The following PCCA variants were observed in gnomAD, a reference collection of about 807,000 sequenced individuals.
PCCA encodes propionyl-CoA carboxylase subunit alpha.
In PCCA, 74 loss-of-function variants were observed where a neutral mutation model predicts 101.3. That is an observed-to-expected ratio of 0.73 (90% confidence interval 0.61 to 0.89). The LOEUF is 0.89. Ranked by LOEUF, PCCA falls within the 40% of genes least tolerant of loss-of-function variation. The probability of loss-of-function intolerance (pLI) is 0.00; values close to 1 mark genes in which losing one functional copy is unlikely to be tolerated. For missense variants in PCCA, 891 were observed against 907.0 expected (o/e 0.98, Z 0.23); for synonymous variants, 294 against 313.6 (o/e 0.94, Z 0.66).
At chr13:100,291,254 G>A (rs564479956) in intron 12 of PCCA, among the ~76,000 whole-genome samples, 6 of 152,104 alleles carry the variant, frequency 3.9e-5, no homozygotes, top group Non-Finnish European at 8.8e-5. Context: ...CTGAAGCTGG[G>A]ATGACAGAGC....
chr13:100,221,400 C>T (rs1594790021), intron 7 of PCCA, among the ~76,000 whole-genome samples: 2 of 152,212 alleles, frequency 1.3e-5, no homozygotes, highest in East Asian at 1.9e-4. Context: ...TTTTAGTGGG[C>T]TTCGAACATG....
chr13:100,140,800 T>C (rs369367993), intron 4 of PCCA, among the ~76,000 whole-genome samples: 1 of 152,178 alleles, frequency 6.6e-6, no homozygotes, highest in Non-Finnish European at 1.5e-5. Context: ...GGGGTGTTTC[T>C]TGAAAGCTAC....
chr13:100,443,184 G>A (rs1347675023), intron 20 of PCCA, among the ~76,000 whole-genome samples: 2 of 152,046 alleles, frequency 1.3e-5, no homozygotes, highest in African/African-American at 4.8e-5. Flanking sequence ...GTTTCTATGG[G>A]GCTCACAACT....
At chr13:100,258,324 G>A (rs1190318843) in intron 9 of PCCA, among the ~76,000 whole-genome samples, 2 of 152,172 alleles carry the variant, frequency 1.3e-5, no homozygotes, top group Non-Finnish European at 2.9e-5. Context: ...TCATGAGAGC[G>A]TGGGCAAGAT....
At chr13:100,242,404 G>A (rs1270563839) in intron 8 of PCCA, among the ~76,000 whole-genome samples, 3 of 152,054 alleles carry the variant, frequency 2.0e-5, no homozygotes, top group African/African-American at 7.2e-5. Context: ...AAACATTGAC[G>A]GAATTGAAGG....
chr13:100,094,302 A>G (rs1020636634), intron 1 of PCCA, among the ~76,000 whole-genome samples: 1 of 151,620 alleles, frequency 6.6e-6, no homozygotes, highest in African/African-American at 2.4e-5. Flanking sequence ...GAATAATTTT[A>G]GTAGCATGGT....
At chr13:100,292,669 A>G (rs913915518) in intron 12 of PCCA, among the ~76,000 whole-genome samples, 1 of 152,248 alleles carries the variant, frequency 6.6e-6, no homozygotes, top group African/African-American at 2.4e-5. Flanking sequence ...ATGGCAAGCC[A>G]CATATTAAAT....
At chr13:100,489,327 CG>C (rs1193765477) in intron 21 of PCCA, among the ~76,000 whole-genome samples, 7 of 152,024 alleles carry the variant, frequency 4.6e-5, no homozygotes, top group African/African-American at 1.7e-4. Flanking sequence ...AAAGTTTTAT[CG>C]GAACACAGCC....
At chr13:100,340,780 A>G (rs1181605583) in intron 18 of PCCA, among the ~76,000 whole-genome samples, 1 of 152,220 alleles carries the variant, frequency 6.6e-6, no homozygotes, top group Non-Finnish European at 1.5e-5. Flanking sequence ...CAAAACCTCA[A>G]TGCCATTGGT....
rs572091842 is a variant in PCCA at position 100,417,096 on chromosome 13, G to A, written c.1747-8537G>A. Among the ~76,000 whole-genome samples the A allele has an allele frequency of 5.6e-4, 86 of 152,252 alleles. 1 individual carries two copies. In the South Asian group the frequency reaches 8.1e-3, roughly 14 times the overall value. ...AACCTCAGGTGATCCCCCCGCCTTG[G>A]CCTCCCAAAGTGCTGGGATTACAGG... On this transcript the variant is annotated intron_variant, in intron 19 of 23. Transcript: ENST00000376285.
chr13:100,302,971 G>C lies in PCCA; in HGVS notation c.1257G>C (p.Gln419His), dbSNP rs147839487. ...TACCATCTATTGGGAGATTGTCTCA[G>C]TACCAAGAACCGTTACATCTACCTG... ...FGLPSIGRLSQYQEPLHLPGV... is the reference protein window; with the variant it reads ...FGLPSIGRLSHYQEPLHLPGV... Residue 419 changes from glutamine to histidine, a missense_variant, in exon 14 of 24, where the codon CAG becomes CAC. Physicochemically the swap from Gln to His is conservative, Grantham distance 24. Coordinates refer to ENST00000376285, the MANE Select transcript of PCCA (RefSeq NM_000282.4). 30 of 1,605,292 alleles carry C rather than the reference G, an allele frequency of 1.9e-5. No individual in the cohort carries two copies. In the South Asian group the frequency reaches 3.2e-4, roughly 17 times the overall value.
chr13:100,456,610 G>A (rs574820277), intron 21 of PCCA, among the ~76,000 whole-genome samples: 1 of 152,118 alleles, frequency 6.6e-6, no homozygotes, highest in Non-Finnish European at 1.5e-5. Context: ...AGCAAGTCAC[G>A]TGATCGTAGA....
chr13:100,468,541 C>T (rs907048368), intron 21 of PCCA, among the ~76,000 whole-genome samples: 1 of 152,232 alleles, frequency 6.6e-6, no homozygotes, highest in African/African-American at 2.4e-5. Flanking sequence ...TGGTACTTTG[C>T]CTTGCACTTT....
intron 6 of PCCA, among the ~76,000 whole-genome samples, chr13:100,166,030 T>C (rs2055006063): frequency 6.6e-6 from 1 of 152,222 alleles, no homozygotes; most frequent in African/African-American, 2.4e-5. Context: ...CACTTATATG[T>C]GTACACTTAT....
chr13:100,507,108 TC>T (rs2086142265), intron 21 of PCCA, among the ~76,000 whole-genome samples: 1 of 152,216 alleles, frequency 6.6e-6, no homozygotes, highest in Non-Finnish European at 1.5e-5. Context: ...ATAATATTTT[TC>T]TTGAGTAAAA....
chr13:100,154,195 A>C (rs999040708), intron 4 of PCCA, among the ~76,000 whole-genome samples: 2 of 152,228 alleles, frequency 1.3e-5, no homozygotes, highest in African/African-American at 4.8e-5. Flanking sequence ...AAAAGATAGT[A>C]ATCCTTTCAT....
chr13:100,458,440 TACACACACACACACACAC>T (rs777836240), intron 21 of PCCA, among the ~76,000 whole-genome samples: 2,804 of 118,796 alleles, frequency 0.024, 86 homozygotes, highest in African/African-American at 0.074. Context: ...CACACACACA[TACACACACACACACACAC>T]ACACACACAC....
chr13:100,232,360 G>GTGTA (rs1474267650), intron 7 of PCCA, among the ~76,000 whole-genome samples: 1 of 147,414 alleles, frequency 6.8e-6, no homozygotes, highest in East Asian at 2.0e-4. Context: ...GCGTGTGTGT[G>GTGTA]TGTGTGTGTG....
At chr13:100,164,951 T>G (rs542464624) in intron 6 of PCCA, among the ~76,000 whole-genome samples, 233 of 152,146 alleles carry the variant, frequency 1.5e-3, no homozygotes, top group African/African-American at 5.4e-3. Flanking sequence ...AGATTTGTTC[T>G]TTTATGTCTG....
Sources: allele counts gnomAD v4.1 joint callset (sites outside exome capture counted in the v4.1 genomes callset), GRCh38; gene constraint gnomAD v4.1.1; transcripts MANE v1.5; gene names NCBI Gene and HGNC (gene_info 2026-07-23, HGNC 2026-07-21).